The following TCF20 variants were observed in gnomAD, a reference collection of about 807,000 sequenced individuals.
TCF20 encodes SPRE-binding protein.
A neutral mutation model predicts 148.6 loss-of-function variants in TCF20; 3 were observed. That is an observed-to-expected ratio of 0.02 (90% CI 0.01 to 0.05). The LOEUF (loss-of-function observed/expected upper bound fraction) is 0.05, where lower values mean the gene tolerates loss of function less well. Among genes scored for constraint, TCF20 ranks in the 10% least tolerant of loss-of-function variants. The pLI, the probability that TCF20 is intolerant of heterozygous loss-of-function variation, is 1.00. For missense variants in TCF20, 2,350 were observed against 2,429.3 expected (o/e 0.97, Z 0.69); for synonymous variants, 1,049 against 909.5 (o/e 1.15, Z -2.76).
At chr22:42,276,977 G>C (rs1419237200) in intron 1 of TCF20, 1 of 152,172 alleles carries the variant, frequency 6.6e-6, no homozygotes, top group East Asian at 1.9e-4. Context: ...TGGCTCAGAA[G>C]TCTGTCAGTG....
chr22:42,164,529 G>C (rs1166727636), intron 5 of TCF20, among the ~76,000 whole-genome samples: 1 of 152,172 alleles, frequency 6.6e-6, no homozygotes, highest in Non-Finnish European at 1.5e-5. Context: ...GGCCTGGGAT[G>C]CACTCATTTC....
intron 2 of TCF20, among the ~76,000 whole-genome samples, chr22:42,185,332 G>C (rs1936993704): frequency 6.6e-6 from 1 of 152,134 alleles, no homozygotes; most frequent in Non-Finnish European, 1.5e-5. Flanking sequence ...TGTGAGACTT[G>C]TTCTTGCACC....
At chr22:42,217,479 G>T (rs5758653) in intron 1 of TCF20, among the ~76,000 whole-genome samples, 53,098 of 151,954 alleles carry the variant, frequency 0.35, 10,950 homozygotes, top group South Asian at 0.47. Context: ...TATGCTACTT[G>T]TTTACTGTCT....
At chr22:42,295,562 G>A (rs929500545) in intron 1 of TCF20, among the ~76,000 whole-genome samples, 2 of 151,220 alleles carry the variant, frequency 1.3e-5, no homozygotes, top group South Asian at 4.2e-4. Flanking sequence ...TCCTGCCTCA[G>A]CCTCCTGAGG....
At chr22:42,254,276 T>A (rs893445505) in intron 1 of TCF20, among the ~76,000 whole-genome samples, 1 of 151,956 alleles carries the variant, frequency 6.6e-6, no homozygotes, top group African/African-American at 2.4e-5. Flanking sequence ...TTCTCCCAGG[T>A]AGATCCCAGG....
chr22:42,304,649 A>T (rs5758705), intron 1 of TCF20, among the ~76,000 whole-genome samples: 1 of 152,084 alleles, frequency 6.6e-6, no homozygotes, highest in Non-Finnish European at 1.5e-5. Flanking sequence ...CAGCAACCCT[A>T]TGAGGTGGGC....
chr22:42,204,402 G>A (rs1162504492), intron 2 of TCF20, among the ~76,000 whole-genome samples: 2 of 152,332 alleles, frequency 1.3e-5, no homozygotes, highest in African/African-American at 4.8e-5. Context: ...GGCTGAGACA[G>A]GAGAATCACT....
In TCF20 at chr22:42,213,904, T is replaced by G. The variant is rs2147217206; in HGVS notation, c.1402A>C (p.Asn468His). 6.2e-7 allele frequency: 1 copy of G among 1,614,150 alleles called. No homozygotes were observed. The highest frequency in any genetic ancestry group is 1.1e-5 in the South Asian group (1 of 91,080). The change falls in exon 2 of 6, where the codon AAC becomes CAC. Residue 468 changes from asparagine to histidine, a missense_variant. Physicochemically the swap from Asn to His is moderately conservative, Grantham distance 68. Coordinates refer to ENST00000677622, the MANE Select transcript of TCF20 (RefSeq NM_001378418.1). ...ALSTQVANLPNTVQHMLLSDA... is the reference protein window; with the variant it reads ...ALSTQVANLPHTVQHMLLSDA... ...GAAAGTAACATGTGCTGGACAGTGTTAGGAAGATTGGCCACTTGAGTACTC... is the reference window on the plus strand; with the variant it reads ...GAAAGTAACATGTGCTGGACAGTGTGAGGAAGATTGGCCACTTGAGTACTC...
intron 1 of TCF20, among the ~76,000 whole-genome samples, chr22:42,264,797 C>T (rs1181489370): frequency 6.6e-6 from 1 of 152,134 alleles, no homozygotes; most frequent in African/African-American, 2.4e-5. Flanking sequence ...CTCTTTCTTG[C>T]CCACCATCAC....
At position 42,212,556 on chromosome 22, in the gene TCF20, A is replaced by G; in HGVS notation, c.2750T>C (p.Met917Thr). 10 of 1,614,024 alleles carry G rather than the reference A, an allele frequency of 6.2e-6. No individual in the cohort carries two copies. The highest frequency in any genetic ancestry group is 8.5e-6 in the Non-Finnish European group (10 of 1,179,854). ...GCTCTGGGATTTCAGCTTGGTTTCC[A>G]TGGACACCAAACCACCAGGAAGAAT... ...SVILPGGLVS[M>T]ETKLKSQSGQ... Residue 917 changes from methionine to threonine, a missense_variant, in exon 2 of 6, where the codon ATG (methionine) becomes ACG (threonine). Transcript: ENST00000677622.
chr22:42,215,529 T>A, intron 1 of TCF20, 188 bp from the exon 2 acceptor site: 1 of 695,648 alleles, frequency 1.4e-6, no homozygotes, highest in Non-Finnish European at 2.2e-6. Context: ...GGAGTGCAAT[T>A]GCACGATCTC....
At position 42,212,777 on chromosome 22, in the gene TCF20, T is replaced by C. The variant is rs1440337655; in HGVS notation, c.2529A>G (p.Arg843=). 2 of 1,614,232 alleles carry C rather than the reference T, an allele frequency of 1.2e-6. No homozygotes were observed. Among genetic ancestry groups the C allele is most frequent in the South Asian group, 1.1e-5 (1 of 91,086 alleles). ...QINLTDYPIP[R]KFEIEPQSSA... is the part of the protein sequence containing the mutation. ...ATGACTGAGGCTCTATTTCAAACTT[T>C]CTGGGAATTGGATAGTCAGTCAAAT... The change falls in exon 2 of 6, where the codon AGA becomes AGG. Residue 843 remains arginine (R), a synonymous_variant. Transcript: ENST00000677622.
chr22:42,327,887 C>G (rs1208540867), intron 1 of TCF20, among the ~76,000 whole-genome samples: 1 of 151,624 alleles, frequency 6.6e-6, no homozygotes, highest in Non-Finnish European at 1.5e-5. Flanking sequence ...CAAAGTATAG[C>G]ACTCCCTACC....
chr22:42,179,600 T>TCC lies in TCF20; in HGVS notation c.5749+7_5749+8dup, dbSNP rs779199959. 3.2e-5 allele frequency: 52 copies of TCC among 1,607,728 alleles called. No homozygotes were observed. Among genetic ancestry groups the TCC allele is most frequent in the Non-Finnish European group, 4.1e-5 (48 of 1,174,544 alleles). On this transcript the variant is annotated intron_variant, in intron 3 of 5. Coordinates refer to ENST00000677622, the MANE Select transcript of TCF20 (RefSeq NM_001378418.1). ...ATGCTCTGGACAAGGGTCTGTGGTC[T>TCC]CCTCTTACCTGCATCAATGGCACAC...
chr22:42,256,065 C>T (rs1286729152), intron 1 of TCF20, among the ~76,000 whole-genome samples: 2 of 152,168 alleles, frequency 1.3e-5, no homozygotes. Context: ...GTCTCTCTCT[C>T]TCGTCCATCC....
intron 1 of TCF20, among the ~76,000 whole-genome samples, chr22:42,326,626 C>T (rs1247658689): frequency 7.2e-5 from 11 of 152,232 alleles, no homozygotes. Flanking sequence ...GAGCCAGGTA[C>T]AGGCTCAGCC....
chr22:42,307,165 G>C (rs1927450900), intron 1 of TCF20, among the ~76,000 whole-genome samples: 1 of 152,174 alleles, frequency 6.6e-6, no homozygotes, highest in African/African-American at 2.4e-5. Context: ...ATGCACCAAG[G>C]GAGGCAGCAG....
At chr22:42,165,619 G>A (rs1243761120) in intron 5 of TCF20, among the ~76,000 whole-genome samples, 5 of 152,196 alleles carry the variant, frequency 3.3e-5, no homozygotes, top group African/African-American at 4.8e-5. Context: ...AGGCAGGGGC[G>A]GCATCTTTTA....
In TCF20 at chr22:42,256,846, A is replaced by G. The variant is rs570098625; in HGVS notation, c.-37+13493T>C. Among the ~76,000 whole-genome samples, 10 of 152,250 alleles carry G rather than the reference A, an allele frequency of 6.6e-5. No homozygotes were observed. In the East Asian group the frequency reaches 1.2e-3, roughly 18 times the overall value. On this transcript the variant is annotated intron_variant, in intron 1 of 5. Coordinates refer to ENST00000677622, the MANE Select transcript of TCF20 (RefSeq NM_001378418.1). ...TCTACACTTCTGCCATGGAGTAACAATTCTATTTTATTGTTCTAAAACTCT... is the reference window on the plus strand; with the variant it reads ...TCTACACTTCTGCCATGGAGTAACAGTTCTATTTTATTGTTCTAAAACTCT...
Sources: allele counts gnomAD v4.1 joint callset (sites outside exome capture counted in the v4.1 genomes callset), GRCh38; gene constraint gnomAD v4.1.1; transcripts MANE v1.5; gene names NCBI Gene and HGNC (gene_info 2026-07-23, HGNC 2026-07-21).